Variants in TENM1 observed in about 807,000 individuals in gnomAD.
TENM1 encodes the protein teneurin-1.
A neutral mutation model predicts 174.8 loss-of-function variants in TENM1; 35 were observed. The ratio of observed to expected loss-of-function variants is 0.20; its 90% CI spans 0.15 to 0.27. The LOEUF (loss-of-function observed/expected upper bound fraction) is 0.27, where lower values mean the gene tolerates loss of function less well. Among genes scored for constraint, TENM1 ranks in the 10% least tolerant of loss-of-function variants. TENM1 has a pLI of 1.00. For missense variants in TENM1, 1,633 were observed against 2,130.1 expected, an observed-to-expected ratio of 0.77 and a Z score of 4.59; for synonymous variants, 781 against 798.7, an observed-to-expected ratio of 0.98 and a Z score of 0.37.
At chrX:125,024,564 T>C in the TENM1 span, among the ~76,000 whole-genome samples, 1 of 110,956 alleles carries the variant, frequency 9.0e-6, no homozygotes, top group Non-Finnish European at 1.9e-5. Flanking sequence ...CACATGGACA[T>C]ACACTGTGGA....
intron 3 of TENM1, among the ~76,000 whole-genome samples, chrX:124,802,742 TG>T (rs2055489200): frequency 8.9e-6 from 1 of 112,128 alleles, no homozygotes. Context: ...TTGGCCATCT[TG>T]GCCCCACCCC....
the TENM1 span, among the ~76,000 whole-genome samples, chrX:125,074,855 C>G: frequency 2.7e-5 from 3 of 111,661 alleles, no homozygotes; most frequent in African/African-American, 6.5e-5. Context: ...AGCTATCTGT[C>G]ACTCATCATT....
intron 5 of TENM1, among the ~76,000 whole-genome samples, chrX:124,698,063 G>A (rs2148483337): frequency 9.0e-6 from 1 of 111,636 alleles, no homozygotes; most frequent in South Asian, 3.7e-4. Flanking sequence ...ACCATAGAAT[G>A]TTTTCTTCCA....
At chrX:125,097,656 C>A in the TENM1 span, among the ~76,000 whole-genome samples, 2 of 112,048 alleles carry the variant, frequency 1.8e-5, no homozygotes, top group Non-Finnish European at 3.8e-5. Context: ...AAATATGATA[C>A]AATATTCCTT....
At chrX:124,773,100 TA>T (rs1271788706) in intron 3 of TENM1, among the ~76,000 whole-genome samples, 1 of 111,910 alleles carries the variant, frequency 8.9e-6, no homozygotes, top group Non-Finnish European at 1.9e-5. Context: ...GCCTTTCTAA[TA>T]CTCTCAAGCA....
intron 4 of TENM1, among the ~76,000 whole-genome samples, chrX:124,731,150 G>A (rs907811877): frequency 9.0e-6 from 1 of 110,918 alleles, no homozygotes; most frequent in Admixed American, 9.6e-5. Context: ...TGAGCCTGAG[G>A]CTTGAGAAAA....
intron 8 of TENM1, among the ~76,000 whole-genome samples, chrX:124,651,002 T>G (rs2051293591): frequency 1.8e-5 from 2 of 112,026 alleles, no homozygotes; most frequent in East Asian, 5.5e-4. Flanking sequence ...AGATGGTATA[T>G]CTATTAAAGT....
chrX:124,584,591 G>A (rs929148337), intron 11 of TENM1, among the ~76,000 whole-genome samples: 13 of 111,392 alleles, frequency 1.2e-4, no homozygotes, highest in African/African-American at 9.9e-5. Context: ...AAGCCAAAAC[G>A]TAAAGACCAT....
chrX:124,585,842 T>C (rs2049490188), intron 11 of TENM1, among the ~76,000 whole-genome samples: 1 of 110,609 alleles, frequency 9.0e-6, no homozygotes, highest in Non-Finnish European at 1.9e-5. Context: ...CAATAAAAAA[T>C]GACAAACGGG....
intron 11 of TENM1, among the ~76,000 whole-genome samples, chrX:124,632,793 T>G (rs1198476507): frequency 8.9e-6 from 1 of 112,066 alleles, no homozygotes. Flanking sequence ...AATAGTATCA[T>G]TCAGCTTATT....
chrX:125,129,250 TG>T, the TENM1 span, among the ~76,000 whole-genome samples: 1 of 112,166 alleles, frequency 8.9e-6, no homozygotes, highest in African/African-American at 3.2e-5. Context: ...TATTTTGTTA[TG>T]GCAACCTGAG....
chrX:124,878,309 A>G (rs1022894769), intron 3 of TENM1, among the ~76,000 whole-genome samples: 2 of 111,305 alleles, frequency 1.8e-5, no homozygotes, highest in Admixed American at 1.9e-4. Flanking sequence ...ACTATAGAGG[A>G]GGAACAATCT....
chrX:124,540,074 T>G (rs996225900), intron 15 of TENM1, among the ~76,000 whole-genome samples: 1 of 112,448 alleles, frequency 8.9e-6, no homozygotes, highest in Admixed American at 9.4e-5. Context: ...TGATGTTCCA[T>G]GATCCATAGA....
At chrX:125,102,525 G>A in the TENM1 span, among the ~76,000 whole-genome samples, 1 of 111,974 alleles carries the variant, frequency 8.9e-6, no homozygotes, top group African/African-American at 3.2e-5. Flanking sequence ...GTCTGTGACT[G>A]GTAGAGAATC....
chrX:124,791,564 A>G (rs1371056619), intron 3 of TENM1, among the ~76,000 whole-genome samples: 3 of 111,533 alleles, frequency 2.7e-5, no homozygotes, highest in African/African-American at 9.8e-5. Flanking sequence ...AATCAAACAC[A>G]TACTCACGCT....
At chrX:124,995,862 A>G in the TENM1 span, among the ~76,000 whole-genome samples, 2 of 111,199 alleles carry the variant, frequency 1.8e-5, no homozygotes, top group Admixed American at 1.9e-4. Context: ...GGGTTTCTGA[A>G]TTTTATTTTT....
At position 124,753,497 on chromosome X, in the gene TENM1, T is replaced by C. The variant is rs1212365827; in HGVS notation, c.536-16300A>G. ...CCCTTTATTTCCTTCTCCTGCCTAA[T>C]TGCCCTGGCCAGAACTTCCAACACT... On this transcript the variant is annotated intron_variant, in intron 3 of 31. Coordinates refer to ENST00000422452, the Ensembl canonical transcript of TENM1. Among the ~76,000 whole-genome samples, 11 of 102,675 alleles carry C rather than the reference T, an allele frequency of 1.1e-4. No homozygotes were observed. In the East Asian group the frequency reaches 3.0e-3, roughly 28 times the overall value. 89.2% of individuals were successfully genotyped at this position (102,675 alleles called of 115,157 possible).
chrX:124,658,154 G>C (rs2051495737), intron 6 of TENM1, among the ~76,000 whole-genome samples: 1 of 111,664 alleles, frequency 9.0e-6, no homozygotes, highest in Non-Finnish European at 1.9e-5. Context: ...CCATCTGAAA[G>C]GTAGGTGGAA....
intron 5 of TENM1, among the ~76,000 whole-genome samples, chrX:124,689,516 A>G (rs2052462767): frequency 8.9e-6 from 1 of 111,855 alleles, no homozygotes; most frequent in African/African-American, 3.2e-5. Flanking sequence ...ATATAATATG[A>G]GCTCCATTTT....
Sources: allele counts gnomAD v4.1 joint callset (sites outside exome capture counted in the v4.1 genomes callset), GRCh38; gene constraint gnomAD v4.1.1; transcripts MANE v1.5; gene names NCBI Gene and HGNC (gene_info 2026-07-23, HGNC 2026-07-21).